The following NRXN3 variants were observed in gnomAD, a reference collection of about 807,000 sequenced individuals.
NRXN3 encodes neurexin III.
NRXN3 carries 32 observed loss-of-function variants against 137.6 expected under a neutral mutation model. The observed-to-expected ratio is 0.23, with a 90% CI of 0.18 to 0.31. The LOEUF (loss-of-function observed/expected upper bound fraction) is 0.31. Among genes scored for constraint, NRXN3 ranks in the 10% least tolerant of loss-of-function variants. NRXN3 has a pLI of 1.00. For missense variants in NRXN3, 1,574 were observed against 2,062.5 expected (o/e 0.76, Z 4.59); for synonymous variants, 798 against 784.5 (o/e 1.02, Z -0.29).
intron 15 of NRXN3, among the ~76,000 whole-genome samples, chr14:79,352,248 C>T (rs1413935759): frequency 2.6e-5 from 4 of 152,042 alleles, no homozygotes; most frequent in Non-Finnish European, 4.4e-5. Context: ...AAAAATGCAG[C>T]GTCTGGCTAA....
At chr14:79,215,676 C>T (rs1015299351) in intron 15 of NRXN3, among the ~76,000 whole-genome samples, 1 of 152,168 alleles carries the variant, frequency 6.6e-6, no homozygotes, top group Non-Finnish European at 1.5e-5. Flanking sequence ...ATTCAGTTAT[C>T]TCCCACTGAG....
intron 4 of NRXN3, among the ~76,000 whole-genome samples, chr14:78,474,742 AG>A (rs1001392238): frequency 6.6e-6 from 1 of 152,242 alleles, no homozygotes; most frequent in Admixed American, 6.5e-5. Flanking sequence ...AGAAAGGCAG[AG>A]AGGGGATAGG....
At chr14:79,408,550 ATGCAGACCTAACCTCAAGCATT>A (rs2095356809) in intron 15 of NRXN3, among the ~76,000 whole-genome samples, 1 of 152,128 alleles carries the variant, frequency 6.6e-6, no homozygotes, top group Non-Finnish European at 1.5e-5. Context: ...TGTATCCCTC[ATGCAGACCTAACCTCAAGCATT>A]TGCAGCCACC....
At chr14:78,533,119 A>G (rs1383984699) in intron 4 of NRXN3, among the ~76,000 whole-genome samples, 4 of 58,894 alleles carry the variant, frequency 6.8e-5, no homozygotes, top group Non-Finnish European at 1.1e-4. Flanking sequence ...TTTTTTTTTG[A>G]GATGGAGTCT....
intron 4 of NRXN3, among the ~76,000 whole-genome samples, chr14:78,587,109 A>T (rs1341177198): frequency 6.6e-6 from 1 of 152,222 alleles, no homozygotes; most frequent in Non-Finnish European, 1.5e-5. Context: ...CTTTGCATCC[A>T]TGTAGCAGGT....
chr14:79,858,721 C>T (rs543572766), intron 20 of NRXN3, among the ~76,000 whole-genome samples: 268 of 152,142 alleles, frequency 1.8e-3, no homozygotes, highest in Non-Finnish European at 2.5e-3. Flanking sequence ...AGACAGAGTC[C>T]ATGGGCCTTC....
At chr14:78,660,410 CAATT>C (rs2097828793) in intron 6 of NRXN3, among the ~76,000 whole-genome samples, 1 of 151,954 alleles carries the variant, frequency 6.6e-6, no homozygotes, top group Admixed American at 6.6e-5. Context: ...ATCCCTAAAT[CAATT>C]AGAGACTCCT....
intron 15 of NRXN3, among the ~76,000 whole-genome samples, chr14:79,269,201 C>T (rs1184004601): frequency 6.6e-6 from 1 of 152,164 alleles, no homozygotes; most frequent in Non-Finnish European, 1.5e-5. Context: ...AGGTGCCCGC[C>T]ACCACGCCCG....
intron 4 of NRXN3, among the ~76,000 whole-genome samples, chr14:78,386,592 A>G (rs971667310): frequency 1.2e-4 from 18 of 152,184 alleles, no homozygotes; most frequent in African/African-American, 4.3e-4. Flanking sequence ...CATTATCTGC[A>G]AGGTAGATAT....
intron 15 of NRXN3, among the ~76,000 whole-genome samples, chr14:79,167,415 G>C (rs1405779999): frequency 6.6e-6 from 1 of 151,866 alleles, no homozygotes; most frequent in African/African-American, 2.4e-5. Flanking sequence ...TCTCTCCCTA[G>C]CTGTCTAAAG....
chr14:79,100,880 C>A (rs931753356), intron 15 of NRXN3, among the ~76,000 whole-genome samples: 8 of 152,146 alleles, frequency 5.3e-5, no homozygotes, highest in African/African-American at 1.9e-4. Flanking sequence ...TTCTTGCTCC[C>A]AGGGATCATT....
intron 16 of NRXN3, among the ~76,000 whole-genome samples, chr14:79,615,382 T>C (rs1287600281): frequency 6.6e-6 from 1 of 152,198 alleles, no homozygotes. Context: ...TGATGAAGGT[T>C]GACTAGGAGT....
At chr14:78,414,402 T>C (rs1056908352) in intron 4 of NRXN3, among the ~76,000 whole-genome samples, 2 of 152,176 alleles carry the variant, frequency 1.3e-5, no homozygotes, top group Non-Finnish European at 2.9e-5. Flanking sequence ...CTAGAACTGA[T>C]ACATTGTGTC....
intron 15 of NRXN3, among the ~76,000 whole-genome samples, chr14:79,223,641 G>A (rs539257885): frequency 6.6e-6 from 1 of 152,234 alleles, no homozygotes; most frequent in East Asian, 1.9e-4. Flanking sequence ...TCTATGAGCA[G>A]TAATTGAGAT....
chr14:78,387,453 C>T (rs968823965), intron 4 of NRXN3, among the ~76,000 whole-genome samples: 1 of 152,260 alleles, frequency 6.6e-6, no homozygotes, highest in South Asian at 2.1e-4. Context: ...TTGTTTTTCT[C>T]CTTTCCATAA....
At chr14:79,698,210 C>G (rs2098742220) in intron 19 of NRXN3, among the ~76,000 whole-genome samples, 1 of 151,998 alleles carries the variant, frequency 6.6e-6, no homozygotes, top group African/African-American at 2.4e-5. Flanking sequence ...ACTACACTTT[C>G]AGTATGAAAT....
At chr14:79,106,973 G>A (rs369568003) in intron 15 of NRXN3, among the ~76,000 whole-genome samples, 2 of 152,124 alleles carry the variant, frequency 1.3e-5, no homozygotes, top group South Asian at 4.1e-4. Flanking sequence ...AGATGAAAAG[G>A]TAGCTAGGTA....
chr14:79,166,005 G>T (rs867989038), intron 15 of NRXN3, among the ~76,000 whole-genome samples: 2 of 151,982 alleles, frequency 1.3e-5, no homozygotes, highest in African/African-American at 4.8e-5. Flanking sequence ...ATCAGGAAGA[G>T]AATGTTCTAT....
chr14:78,382,127 A>C (rs2089235868), intron 4 of NRXN3, among the ~76,000 whole-genome samples: 1 of 152,248 alleles, frequency 6.6e-6, no homozygotes, highest in Non-Finnish European at 1.5e-5. Context: ...TACAACATTC[A>C]TGTAAATGTA....
Sources: gnomAD v4.1 joint callset for allele counts (sites outside exome capture counted in the v4.1 genomes callset) on GRCh38, gnomAD v4.1.1 for gene constraint, MANE v1.5 for transcripts, NCBI Gene and HGNC (gene_info 2026-07-23, HGNC 2026-07-21) for gene names.